The following KARS1 variants were observed in gnomAD, a reference collection of about 807,000 sequenced individuals.
The protein encoded by KARS1 is lysyl-tRNA synthetase 1.
In KARS1, 50 loss-of-function variants were observed where a neutral mutation model predicts 63.9. The ratio of observed to expected loss-of-function variants is 0.78; its 90% CI spans 0.62 to 0.99. The LOEUF is 0.99. Among genes scored for constraint, KARS1 ranks in the 50% least tolerant of loss-of-function variants. The pLI, the probability that KARS1 is intolerant of heterozygous loss-of-function variation, is 0.00. For synonymous variants in KARS1, 320 were observed against 264.6 expected, an observed-to-expected ratio of 1.21 and a Z score of -2.03; for missense variants, 816 against 754.5, an observed-to-expected ratio of 1.08 and a Z score of -0.95.
intron 1 of KARS1, among the ~76,000 whole-genome samples, chr16:75,643,856 T>C (rs1393204451): frequency 1.3e-5 from 2 of 152,238 alleles, no homozygotes; most frequent in Non-Finnish European, 1.5e-5. Context: ...CTAGTTCTTC[T>C]AGAATTAAGA....
At chr16:75,637,911 A>ACATGGCATCTGACATCTTG in intron 3 of KARS1, among the ~76,000 whole-genome samples, 1 of 151,636 alleles carries the variant, frequency 6.6e-6, no homozygotes. Flanking sequence ...AAAAAAAAAA[A>ACATGGCATCTGACATCTTG]AAAAAAGAAG....
chr16:75,644,693 C>G (rs749533449), intron 1 of KARS1, among the ~76,000 whole-genome samples: 1 of 152,134 alleles, frequency 6.6e-6, no homozygotes, highest in African/African-American at 2.4e-5. Context: ...TGGGGTAAAG[C>G]CAACAGCAAG....
chr16:75,636,297 G>T (rs1379809746), intron 4 of KARS1, among the ~76,000 whole-genome samples, 157 bp downstream of exon 4: 1 of 152,112 alleles, frequency 6.6e-6, no homozygotes, highest in African/African-American at 2.4e-5. Flanking sequence ...TTACTTTACA[G>T]GTGACCAGGT....
intron 13 of KARS1, 137 bp downstream of exon 13, chr16:75,628,432 G>T (rs1387408162): frequency 6.1e-6 from 6 of 978,236 alleles, no homozygotes; most frequent in Non-Finnish European, 9.6e-6. Context: ...TCCTGTGAGT[G>T]GCATGGAACT....
chr16:75,635,153 C>G (rs2082149286), intron 6 of KARS1, among the ~76,000 whole-genome samples: 1 of 152,138 alleles, frequency 6.6e-6, no homozygotes, highest in African/African-American at 2.4e-5. Flanking sequence ...TGACTTCATT[C>G]ATATTTAAAC....
At chr16:75,634,034 CCA>C (rs2082137196) in intron 7 of KARS1, 137 bp downstream of exon 7, 1 of 888,660 alleles carries the variant, frequency 1.1e-6, no homozygotes, top group Non-Finnish European at 1.9e-6. Context: ...TTACTCACAT[CCA>C]CACACCTGAC....
At chr16:75,630,784 G>A (rs1277194786) in intron 10 of KARS1, among the ~76,000 whole-genome samples, 1 of 151,916 alleles carries the variant, frequency 6.6e-6, no homozygotes, top group Non-Finnish European at 1.5e-5. Context: ...ACAGGTGCCC[G>A]CCACCATACC....
intron 8 of KARS1, 27 bp from the exon 9 acceptor site, chr16:75,631,616 G>A: frequency 6.2e-7 from 1 of 1,613,990 alleles, no homozygotes; most frequent in African/African-American, 1.3e-5. Context: ...TTATTTAGCG[G>A]GAATGAAATC....
intron 3 of KARS1, among the ~76,000 whole-genome samples, chr16:75,637,670 T>G (rs528394135): frequency 5.9e-5 from 9 of 151,544 alleles, no homozygotes; most frequent in Admixed American, 1.3e-4. Context: ...TCCCAGCTAC[T>G]TGGGAGGCTG....
At chr16:75,633,988 A>G in intron 7 of KARS1, 185 bp downstream of exon 7, 1 of 704,456 alleles carries the variant, frequency 1.4e-6, no homozygotes, top group Admixed American at 1.9e-5. Flanking sequence ...CTGCCCTACA[A>G]TGCTCTATTA....
chr16:75,638,763 G>A (rs746699512), intron 3 of KARS1, among the ~76,000 whole-genome samples: 2 of 151,834 alleles, frequency 1.3e-5, no homozygotes, highest in Admixed American at 6.6e-5. Context: ...AAGATAAAAA[G>A]GATTTGAGAT....
chr16:75,631,282 G>A (rs758417518), intron 9 of KARS1, 29 bp from the exon 10 acceptor site: 2 of 1,601,856 alleles, frequency 1.2e-6, no homozygotes, highest in Non-Finnish European at 1.7e-6. Context: ...AGTTAGGGCA[G>A]GAGACATCAC....
intron 6 of KARS1, among the ~76,000 whole-genome samples, chr16:75,634,543 T>C (rs751162820): frequency 6.6e-5 from 10 of 152,244 alleles, no homozygotes; most frequent in East Asian, 3.8e-4. Context: ...AGAATCTAAA[T>C]GGATATAGCC....
chr16:75,647,352 T>A (rs1011379217), intron 1 of KARS1: 9 of 634,686 alleles, frequency 1.4e-5, no homozygotes, highest in Admixed American at 9.6e-5. Context: ...TCTAGGAGTA[T>A]GATAGGGAGC....
At position 75,628,738 on chromosome 16, in the gene KARS1, G is replaced by A. The variant is rs767803941; in HGVS notation, c.1552-26C>T. Reference sequence around the variant, plus strand: ...CTAGAAGAGGAAAGAGAACCAAAAGGTGACCTTCTTCTAAGATATCTCAGT... The same window carrying A: ...CTAGAAGAGGAAAGAGAACCAAAAGATGACCTTCTTCTAAGATATCTCAGT... On this transcript the variant is annotated intron_variant, in intron 12 of 13. Coordinates refer to ENST00000302445, the MANE Select transcript of KARS1 (RefSeq NM_005548.3). The A allele has an allele frequency of 3.1e-6, 5 of 1,613,712 alleles. No individual in the cohort carries two copies. In the South Asian group the frequency reaches 3.3e-5, roughly 11 times the overall value.
chr16:75,632,870 G>A (rs771625977), intron 7 of KARS1, among the ~76,000 whole-genome samples: 7 of 152,168 alleles, frequency 4.6e-5, no homozygotes, highest in African/African-American at 9.7e-5. Context: ...GAAAGGTTAC[G>A]TAGCTTGTAA....
In KARS1 at chr16:75,634,253, C is replaced by T. The variant is rs770535491; in HGVS notation, c.835G>A (p.Val279Met). The T allele has an allele frequency of 1.8e-5, 29 of 1,613,866 alleles. No homozygotes were observed. Among genetic ancestry groups the T allele is most frequent in the Admixed American group, 8.3e-5 (5 of 60,008 alleles). The change falls in exon 7 of 14, where the codon GTG becomes ATG. Residue 279 changes from valine (V) to methionine (M), a missense_variant. Coordinates refer to ENST00000302445, the MANE Select transcript of KARS1 (RefSeq NM_005548.3). ...PMMNIIPGGA[V>M]AKPFITYHNE... ...TGATAAGTGATGAAAGGCTTGGCCA[C>T]GGCTCCCCCTGGGATGATGTTCATC...
chr16:75,640,050 G>T, intron 3 of KARS1, 134 bp downstream of exon 3: 1 of 757,722 alleles, frequency 1.3e-6, no homozygotes, highest in Non-Finnish European at 2.4e-6. Context: ...AGATATAATG[G>T]CACTGTCCTT....
In KARS1 at chr16:75,630,685, G is replaced by T. The variant is rs1315895291; in HGVS notation, c.1339-177C>A. ...GAGTCTCGCTCTGTCGCCCAGGCTG[G>T]AGTGCAGTGGCATGATCTCGGCTTG... On this transcript the variant is annotated intron_variant, in intron 10 of 13. Transcript: ENST00000302445. 2.0e-5 allele frequency among the ~76,000 whole-genome samples: 3 copies of T among 151,952 alleles called. No individual in the cohort carries two copies. In the South Asian group the frequency reaches 6.2e-4, roughly 32 times the overall value.
Sources: gnomAD v4.1 joint callset for allele counts (sites outside exome capture counted in the v4.1 genomes callset) on GRCh38, gnomAD v4.1.1 for gene constraint, MANE v1.5 for transcripts, NCBI Gene and HGNC (gene_info 2026-07-23, HGNC 2026-07-21) for gene names.